The following PDE4B variants were observed in gnomAD, a reference collection of about 807,000 sequenced individuals.
PDE4B encodes the protein phosphodiesterase 4B.
PDE4B carries 20 observed loss-of-function variants against 82.2 expected under a neutral mutation model. That is an observed-to-expected ratio of 0.24 (90% CI 0.17 to 0.35). PDE4B has a LOEUF of 0.35. Among genes scored for constraint, PDE4B ranks in the 10% least tolerant of loss-of-function variants. PDE4B has a pLI of 1.00. For missense variants in PDE4B, 655 were observed against 907.2 expected, an observed-to-expected ratio of 0.72 and a Z score of 3.57; for synonymous variants, 320 against 318.9, an observed-to-expected ratio of 1.00 and a Z score of -0.04.
In PDE4B at chr1:66,274,941, T is replaced by A. The variant is rs1263140847; in HGVS notation, c.634+8854T>A. Among the ~76,000 whole-genome samples, 3 of 152,174 alleles carry A rather than the reference T, an allele frequency of 2.0e-5. No individual in the cohort carries two copies. In the East Asian group the frequency reaches 5.8e-4, roughly 29 times the overall value. On this transcript the variant is annotated intron_variant, in intron 7 of 16. Transcript: ENST00000341517. The stretch of plus-strand genomic sequence containing the variant: ...CATCTGAAGGGAGTAATTTTTGAAG[T>A]TTAAGACTTTTTTTTTCCTCCTGAG...
At chr1:66,052,936 A>T (rs567966070) in intron 3 of PDE4B, among the ~76,000 whole-genome samples, 3 of 152,354 alleles carry the variant, frequency 2.0e-5, no homozygotes, top group African/African-American at 7.2e-5. Flanking sequence ...GCACAAAAAA[A>T]GTATTCAATA....
chr1:65,793,772 T>C (rs1645600949), intron 1 of PDE4B, among the ~76,000 whole-genome samples: 3 of 152,096 alleles, frequency 2.0e-5, no homozygotes, highest in Admixed American at 6.5e-5. Context: ...TTTGGGAAGA[T>C]TTGTCTGGTG....
intron 3 of PDE4B, among the ~76,000 whole-genome samples, chr1:66,052,620 C>T (rs1335406188): frequency 6.8e-6 from 1 of 146,906 alleles, no homozygotes; most frequent in African/African-American, 2.5e-5. Context: ...ACCTAATTTG[C>T]TTCCTCATGT....
chr1:65,864,650 A>C (rs756819376), intron 1 of PDE4B, among the ~76,000 whole-genome samples: 3 of 152,082 alleles, frequency 2.0e-5, no homozygotes, highest in Non-Finnish European at 2.9e-5. Flanking sequence ...CAATTTGCTG[A>C]AGCTCCACTC....
At chr1:65,881,459 C>T (rs1313968845) in intron 1 of PDE4B, among the ~76,000 whole-genome samples, 1 of 152,216 alleles carries the variant, frequency 6.6e-6, no homozygotes, top group African/African-American at 2.4e-5. Flanking sequence ...CCTGTCCTCA[C>T]TTCCACAGAT....
At chr1:66,012,237 A>G (rs1652525969) in intron 3 of PDE4B, among the ~76,000 whole-genome samples, 1 of 152,124 alleles carries the variant, frequency 6.6e-6, no homozygotes, top group Non-Finnish European at 1.5e-5. Context: ...CATACATCAG[A>G]CATAGTCATT....
chr1:66,126,103 C>T (rs1049835385), intron 3 of PDE4B, among the ~76,000 whole-genome samples: 1 of 152,104 alleles, frequency 6.6e-6, no homozygotes, highest in African/African-American at 2.4e-5. Flanking sequence ...ACTGCGCCCA[C>T]CCAACATTGT....
chr1:66,319,666 C>T (rs553684435), intron 7 of PDE4B, among the ~76,000 whole-genome samples: 1 of 152,214 alleles, frequency 6.6e-6, no homozygotes, highest in South Asian at 2.1e-4. Context: ...CTGTAGTGAC[C>T]AGAAGACATG....
chr1:66,031,889 G>A (rs1298877278), intron 3 of PDE4B, among the ~76,000 whole-genome samples: 1 of 152,158 alleles, frequency 6.6e-6, no homozygotes, highest in East Asian at 1.9e-4. Flanking sequence ...AAGAAGGAAG[G>A]TTTCTCCATG....
chr1:66,231,819 T>A (rs1417746229), intron 3 of PDE4B, among the ~76,000 whole-genome samples: 1 of 152,228 alleles, frequency 6.6e-6, no homozygotes, highest in Non-Finnish European at 1.5e-5. Flanking sequence ...TTTGAAAGGC[T>A]TCCTATGGAA....
At chr1:66,346,317 T>A (rs1661392160) in intron 8 of PDE4B, among the ~76,000 whole-genome samples, 1 of 152,234 alleles carries the variant, frequency 6.6e-6, no homozygotes. Flanking sequence ...TGTCAGGTAG[T>A]CTGTGGTCAG....
chr1:65,834,226 G>C (rs962706617), intron 1 of PDE4B, among the ~76,000 whole-genome samples: 1 of 152,110 alleles, frequency 6.6e-6, no homozygotes, highest in African/African-American at 2.4e-5. Flanking sequence ...TATATTTTTA[G>C]TAGAGATGGG....
chr1:66,184,245 A>G (rs1284797086), intron 3 of PDE4B, among the ~76,000 whole-genome samples: 1 of 152,174 alleles, frequency 6.6e-6, no homozygotes, highest in East Asian at 1.9e-4. Flanking sequence ...ACATGAGAGA[A>G]AAGAAAATCT....
chr1:66,257,192 T>C (rs972527426), intron 4 of PDE4B, among the ~76,000 whole-genome samples: 1 of 152,332 alleles, frequency 6.6e-6, no homozygotes, highest in Middle Eastern at 3.4e-3. Flanking sequence ...TAAATGGCAT[T>C]AAAGCTGTGG....
At chr1:65,989,648 G>A (rs193126777) in intron 3 of PDE4B, among the ~76,000 whole-genome samples, 12 of 152,118 alleles carry the variant, frequency 7.9e-5, no homozygotes, top group African/African-American at 2.9e-4. Context: ...AGGGCTAAGG[G>A]TTATACATGA....
intron 3 of PDE4B, among the ~76,000 whole-genome samples, chr1:65,971,237 A>G (rs1332670955): frequency 6.6e-6 from 1 of 152,006 alleles, no homozygotes; most frequent in African/African-American, 2.4e-5. Flanking sequence ...GAGATAGGTG[A>G]CTAATTTTTG....
At chr1:65,825,028 C>T (rs1178838115) in intron 1 of PDE4B, among the ~76,000 whole-genome samples, 1 of 152,198 alleles carries the variant, frequency 6.6e-6, no homozygotes, top group Admixed American at 6.5e-5. Flanking sequence ...CAGTAGCAGA[C>T]ATGATTAACT....
chr1:66,327,399 A>G (rs970903533), intron 7 of PDE4B, among the ~76,000 whole-genome samples: 1 of 152,250 alleles, frequency 6.6e-6, no homozygotes, highest in Non-Finnish European at 1.5e-5. Context: ...GACATGCACA[A>G]AGGAGTCAAC....
chr1:65,967,477 G>A (rs1649897948), intron 3 of PDE4B, among the ~76,000 whole-genome samples: 1 of 152,168 alleles, frequency 6.6e-6, no homozygotes, highest in Admixed American at 6.5e-5. Context: ...AGACAGTGTA[G>A]CAATTCCTCA....
Sources: allele counts gnomAD v4.1 joint callset (sites outside exome capture counted in the v4.1 genomes callset), GRCh38; gene constraint gnomAD v4.1.1; transcripts MANE v1.5; gene names NCBI Gene and HGNC (gene_info 2026-07-23, HGNC 2026-07-21).